The following CABCOCO1 variants were observed in gnomAD, a reference collection of about 807,000 sequenced individuals.
The protein encoded by CABCOCO1 is ciliary-associated calcium-binding coiled-coil protein 1.
A neutral mutation model predicts 35.7 loss-of-function variants in CABCOCO1; 28 were observed. That is an observed-to-expected ratio of 0.78 (90% CI 0.58 to 1.07). The LOEUF (loss-of-function observed/expected upper bound fraction) is 1.07. Ranked by LOEUF, CABCOCO1 falls within the 50% of genes least tolerant of loss-of-function variation. CABCOCO1 has a pLI of 0.00. For synonymous variants in CABCOCO1, 95 were observed against 100.1 expected (o/e 0.95, Z 0.30); for missense variants, 326 against 309.2 (o/e 1.05, Z -0.41).
chr10:61,725,380 C>T (rs1287549354), intron 5 of CABCOCO1, among the ~76,000 whole-genome samples: 1 of 152,110 alleles, frequency 6.6e-6, no homozygotes, highest in Non-Finnish European at 1.5e-5. Flanking sequence ...CAATGATAGA[C>T]TGGATTAAGA....
intron 7 of CABCOCO1, among the ~76,000 whole-genome samples, chr10:61,765,611 G>A (rs981169119): frequency 1.3e-5 from 2 of 152,184 alleles, no homozygotes; most frequent in African/African-American, 4.8e-5. Context: ...GCCCAAAGCA[G>A]TTATTCTGAT....
At position 61,723,599 on chromosome 10, in the gene CABCOCO1, G is replaced by A. The variant is rs117852335; in HGVS notation, c.552+32978G>A. 6.1e-4 allele frequency among the ~76,000 whole-genome samples: 93 copies of A among 152,222 alleles called. 2 individuals carry two copies. The East Asian group carries it at 0.016, about 27-fold the overall frequency. ...CTGGAGTCTGGAAGCCCAAGACCAG[G>A]GGCCAGCATGCTTAGCTTTTGGTAA... is the stretch of plus-strand genomic sequence containing the variant. On this transcript the variant is annotated intron_variant, in intron 5 of 7. Coordinates refer to ENST00000648843, the MANE Select transcript of CABCOCO1 (RefSeq NM_001366906.2).
intron 5 of CABCOCO1, among the ~76,000 whole-genome samples, chr10:61,711,199 A>G: frequency 6.6e-6 from 1 of 151,976 alleles, no homozygotes; most frequent in Non-Finnish European, 1.5e-5. Context: ...AAAAGAAAAA[A>G]GGTAAAGATG....
chr10:61,717,280 G>A (rs1840890974), intron 5 of CABCOCO1, among the ~76,000 whole-genome samples: 1 of 152,022 alleles, frequency 6.6e-6, no homozygotes, highest in South Asian at 2.1e-4. Context: ...TGGAATAAAG[G>A]GCACTTTTCC....
intron 5 of CABCOCO1, among the ~76,000 whole-genome samples, chr10:61,744,493 A>C (rs1216178145): frequency 6.6e-6 from 1 of 152,172 alleles, no homozygotes; most frequent in Non-Finnish European, 1.5e-5. Context: ...CAAACATAGC[A>C]TCATTTTAAT....
chr10:61,682,756 G>A (rs1839833476), intron 3 of CABCOCO1, among the ~76,000 whole-genome samples: 1 of 152,132 alleles, frequency 6.6e-6, no homozygotes, highest in Middle Eastern at 3.4e-3. Flanking sequence ...GACTCCTTAA[G>A]GACACACAGG....
rs1317922408 is a variant in CABCOCO1 at position 61,680,646 on chromosome 10, TATATATTATGTTATACATGTATAAC to T, written c.165-490_165-466del. ...ACATATACATGTTATACATATATAA[TATATATTATGTTATACATGTATAAC>T]ATATATGTTATACATGTATAACATA... On this transcript the variant is annotated intron_variant, in intron 2 of 7. Transcript: ENST00000648843. Among the ~76,000 whole-genome samples the T allele has an allele frequency of 1.2e-3, 32 of 26,836 alleles. 2 individuals are homozygous for T. Among genetic ancestry groups the T allele is most frequent in the Admixed American group, 6.9e-3 (10 of 1,442 alleles). 17.6% of individuals were successfully genotyped at this position (26,836 alleles called of 152,430 possible).
At chr10:61,763,636 G>C (rs1030234877) in intron 7 of CABCOCO1, among the ~76,000 whole-genome samples, 9 of 151,920 alleles carry the variant, frequency 5.9e-5, no homozygotes, top group African/African-American at 1.7e-4. Flanking sequence ...GGAAGCAATA[G>C]GGTAATATAA....
intron 5 of CABCOCO1, among the ~76,000 whole-genome samples, chr10:61,732,643 T>C (rs1041734160): frequency 2.0e-5 from 3 of 152,098 alleles, no homozygotes; most frequent in Non-Finnish European, 2.9e-5. Context: ...ATATAATCTG[T>C]ATCTATAACT....
chr10:61,759,998 A>G, intron 5 of CABCOCO1, 61 bp from the exon 6 acceptor site: 1 of 1,597,712 alleles, frequency 6.3e-7, no homozygotes, highest in Non-Finnish European at 8.5e-7. Context: ...AACGGAACTG[A>G]CCGAAACTGT....
At chr10:61,671,634 A>G (rs1182951077) in intron 1 of CABCOCO1, among the ~76,000 whole-genome samples, 2 of 152,156 alleles carry the variant, frequency 1.3e-5, no homozygotes, top group East Asian at 3.9e-4. Flanking sequence ...ACATGACTAC[A>G]TTCACCACTT....
At chr10:61,746,959 G>C (rs1437153362) in intron 5 of CABCOCO1, among the ~76,000 whole-genome samples, 1 of 152,098 alleles carries the variant, frequency 6.6e-6, no homozygotes, top group African/African-American at 2.4e-5. Context: ...CACTTTTTCT[G>C]ATAAGGTAAT....
chr10:61,679,329 C>CTATATCTATATCTATTTCTATCTA (rs60971419), intron 2 of CABCOCO1, among the ~76,000 whole-genome samples: 2 of 142,758 alleles, frequency 1.4e-5, no homozygotes, highest in East Asian at 5.3e-4. Context: ...ATATCTATAT[C>CTATATCTATATCTATTTCTATCTA]TATCTATATC....
intron 5 of CABCOCO1, among the ~76,000 whole-genome samples, chr10:61,713,077 A>T (rs1035618354): frequency 6.6e-6 from 1 of 152,272 alleles, no homozygotes; most frequent in East Asian, 1.9e-4. Flanking sequence ...ATGGCATTGA[A>T]TCTATAAATT....
chr10:61,695,658 T>C (rs1388656918), intron 5 of CABCOCO1, among the ~76,000 whole-genome samples: 4 of 151,884 alleles, frequency 2.6e-5, no homozygotes, highest in Non-Finnish European at 2.9e-5. Context: ...TTTAAAGAAG[T>C]AGCAATAAGA....
intron 5 of CABCOCO1, among the ~76,000 whole-genome samples, chr10:61,724,608 T>C (rs1427692333): frequency 1.3e-5 from 2 of 152,216 alleles, no homozygotes; most frequent in African/African-American, 2.4e-5. Context: ...AATTTGTTTA[T>C]AGTTTTAGAT....
At position 61,759,988 on chromosome 10, in the gene CABCOCO1, A is replaced by G; in HGVS notation, c.553-71A>G. The G allele has an allele frequency of 2.5e-6, 4 of 1,573,920 alleles. No homozygotes were observed. In the South Asian group the frequency reaches 3.4e-5, roughly 14 times the overall value. On this transcript the variant is annotated intron_variant, in intron 5 of 7. Coordinates refer to ENST00000648843, the MANE Select transcript of CABCOCO1 (RefSeq NM_001366906.2). The stretch of plus-strand genomic sequence containing the variant: ...AGACTTGGAACTATGGTACATATAT[A>G]ACGGAACTGACCGAAACTGTGGTTG...
chr10:61,691,560 G>C (rs541045556), intron 5 of CABCOCO1, among the ~76,000 whole-genome samples: 18 of 152,078 alleles, frequency 1.2e-4, no homozygotes, highest in African/African-American at 4.3e-4. Context: ...TTGTTACATA[G>C]GTATACACAT....
chr10:61,731,189 T>C (rs1262232623), intron 5 of CABCOCO1, among the ~76,000 whole-genome samples: 3 of 151,654 alleles, frequency 2.0e-5, no homozygotes, highest in Non-Finnish European at 4.4e-5. Context: ...GCAGCATTAG[T>C]CTGCAATTTA....
Sources: allele counts gnomAD v4.1 joint callset (sites outside exome capture counted in the v4.1 genomes callset), GRCh38; gene constraint gnomAD v4.1.1; transcripts MANE v1.5; gene names NCBI Gene and HGNC (gene_info 2026-07-23, HGNC 2026-07-21).